Variants in POLE observed in about 807,000 individuals in gnomAD.
POLE encodes DNA polymerase epsilon catalytic subunit A.
Under a neutral mutation model 279.2 loss-of-function variants are expected in POLE, and 188 were observed. The observed-to-expected ratio is 0.67, with a 90% CI of 0.60 to 0.76. The LOEUF (loss-of-function observed/expected upper bound fraction) is 0.76. POLE is among the 30% of genes least tolerant of loss of function. POLE has a pLI of 0.00. For synonymous variants in POLE, 1,214 were observed against 1,172.5 expected, an observed-to-expected ratio of 1.04 and a Z score of -0.72; for missense variants, 2,703 against 3,016.7, an observed-to-expected ratio of 0.90 and a Z score of 2.44.
Position 132,632,453 on chromosome 12 carries a change from G to A in POLE, c.6192C>T (p.Phe2064=), listed in dbSNP as rs1555220905. 1.9e-6 allele frequency: 3 copies of A among 1,614,024 alleles called. No homozygotes were observed. Reference sequence around the variant, plus strand: ...TCTTCTGAATCTTCTGAGTGATGGTGAAGAAGCTCTGAGTGAGCTCATTTG... The same window carrying A: ...TCTTCTGAATCTTCTGAGTGATGGTAAAGAAGCTCTGAGTGAGCTCATTTG... ...YVANELTQSF[F]TITQKIQKKV... The change falls in exon 45 of 49, where the codon TTC becomes TTT. Residue 2064 remains phenylalanine (F), a synonymous_variant. Transcript: ENST00000320574.
At chr12:132,640,750 T>C (rs906927790) in intron 39 of POLE, among the ~76,000 whole-genome samples, 25 of 152,324 alleles carry the variant, frequency 1.6e-4, no homozygotes, top group Non-Finnish European at 2.2e-4. Context: ...TCACAAACTC[T>C]TCAATAATTT....
At position 132,664,603 on chromosome 12, in the gene POLE, A is replaced by C; in HGVS notation, c.2469-141T>G. 1.5e-6 allele frequency: 1 copy of C among 685,370 alleles called. No individual in the cohort carries two copies. The highest frequency in any genetic ancestry group is 1.6e-5 in the South Asian group (1 of 60,610). 42.5% of individuals were successfully genotyped at this position (685,370 alleles called of 1,614,324 possible). A position where few individuals can be genotyped will look rare whatever the true frequency, so the allele number is the denominator to read the frequency against. On this transcript the variant is annotated intron_variant, in intron 21 of 48. Transcript: ENST00000320574. The surrounding 1 kb of genome is among the most constrained non-coding windows in gnomAD (Gnocchi z 5.3). ...GCCAAATGTGCGTGCACCAGGACAG[A>C]ACTAAGGTGGAATCTGGCTCTGCCC...
At chr12:132,669,065 C>A in intron 16 of POLE, 126 bp from the exon 17 acceptor site, 2 of 823,144 alleles carry the variant, frequency 2.4e-6, no homozygotes, top group African/African-American at 1.7e-5. Flanking sequence ...CAAAAACTAG[C>A]CAGAAGAAAA....
At chr12:132,657,304 C>A (rs1593766271) in intron 28 of POLE, 45 bp downstream of exon 28, 1 of 1,613,870 alleles carries the variant, frequency 6.2e-7, no homozygotes, top group East Asian at 2.2e-5. Flanking sequence ...TGTCTAACTG[C>A]ACAGTTTTTA....
chr12:132,661,312 C>T lies in POLE; in HGVS notation c.2865-148G>A. 6 of 965,960 alleles carry T rather than the reference C, an allele frequency of 6.2e-6. No homozygotes were observed. Among genetic ancestry groups the T allele is most frequent in the Non-Finnish European group, 9.2e-6 (6 of 649,554 alleles). 59.8% of individuals were successfully genotyped at this position (965,960 alleles called of 1,614,324 possible). ...GCAAACGTCTCTCTCCCTTAGGCCA[C>T]TGCTTCTCTAAAAGGAAAATGGCTG... On this transcript the variant is annotated intron_variant, in intron 24 of 48. Transcript: ENST00000320574. This position sits in a 1 kb window ranked among gnomAD's most constrained non-coding sequence, Gnocchi z 4.1.
intron 29 of POLE, chr12:132,651,064 TG>T (rs1472285028): frequency 6.6e-6 from 1 of 152,038 alleles, no homozygotes; most frequent in Non-Finnish European, 1.5e-5. Context: ...TTAGTAAAGA[TG>T]GGGTTTCACC....
At chr12:132,637,139 G>C (rs1270520342) in intron 41 of POLE, among the ~76,000 whole-genome samples, 1 of 152,250 alleles carries the variant, frequency 6.6e-6, no homozygotes, top group African/African-American at 2.4e-5. Context: ...GCCACAGTGG[G>C]TCTGCAGGAG....
At chr12:132,670,594 T>C (rs1243442162) in intron 16 of POLE, among the ~76,000 whole-genome samples, 2 of 149,274 alleles carry the variant, frequency 1.3e-5, no homozygotes, top group Non-Finnish European at 3.0e-5. Flanking sequence ...GGGTTCTTGC[T>C]ATTCTCCTGC....
At position 132,661,511 on chromosome 12, in the gene POLE, G is replaced by A. The variant is rs2135947924; in HGVS notation, c.2864+16C>T. ...TCCATGTCCTTTCTAAAGCACAAAA[G>A]CTATGAGAGTCCCACCTCTTCTTCA... On this transcript the variant is annotated intron_variant, in intron 24 of 48. Coordinates refer to ENST00000320574, the MANE Select transcript of POLE (RefSeq NM_006231.4). This position sits in a 1 kb window ranked among gnomAD's most constrained non-coding sequence, Gnocchi z 4.1. 6.2e-7 allele frequency: 1 copy of A among 1,613,432 alleles called. No individual in the cohort carries two copies. Among genetic ancestry groups the A allele is most frequent in the Non-Finnish European group, 8.5e-7 (1 of 1,179,506 alleles).
chr12:132,644,089 G>T, intron 32 of POLE, 112 bp from the exon 33 acceptor site: 1 of 1,065,428 alleles, frequency 9.4e-7, no homozygotes, highest in South Asian at 1.6e-5. Flanking sequence ...CCCTAGCGAC[G>T]GGGTACACCC....
In POLE at chr12:132,673,680, A is replaced by C. The variant is rs1555228650; in HGVS notation, c.1254T>G (p.Pro418=). The change falls in exon 13 of 49, where the codon CCT becomes CCG. Residue 418 remains proline (P), a synonymous_variant. Coordinates refer to ENST00000320574, the MANE Select transcript of POLE (RefSeq NM_006231.4). ...LRWVKRDSYL[P]VGSHNLKAAA... Reference sequence around the variant, plus strand: ...CCGCCTTGAGATTATGACTGCCCACAGGAAGGTAACTGTCCCTCTTCACCC... The same window carrying C: ...CCGCCTTGAGATTATGACTGCCCACCGGAAGGTAACTGTCCCTCTTCACCC... 3.1e-6 allele frequency: 5 copies of C among 1,614,032 alleles called. No individual in the cohort carries two copies. Among genetic ancestry groups the C allele is most frequent in the Non-Finnish European group, 4.2e-6 (5 of 1,180,000 alleles).
intron 33 of POLE, 110 bp downstream of exon 33, chr12:132,643,727 G>A (rs984379521): frequency 3.4e-6 from 5 of 1,458,956 alleles, no homozygotes; most frequent in Admixed American, 1.9e-5. Context: ...CTGTGGGAAC[G>A]AGTCCACTGT....
At chr12:132,625,848 A>G in intron 46 of POLE, 78 bp from the exon 47 acceptor site, 1 of 1,553,994 alleles carries the variant, frequency 6.4e-7, no homozygotes, top group Non-Finnish European at 8.7e-7. Context: ...TCAGGAGAGG[A>G]AGGGGCTGTG....
intron 8 of POLE, 141 bp from the exon 9 acceptor site, chr12:132,676,794 C>CATCTTGATG: frequency 1.6e-6 from 1 of 626,646 alleles, no homozygotes; most frequent in Non-Finnish European, 2.9e-6. Context: ...GACCCTAAGA[C>CATCTTGATG]TAACCAACCT....
intron 40 of POLE, chr12:132,638,347 G>A (rs1248626340): frequency 5.5e-6 from 2 of 364,132 alleles, no homozygotes. Context: ...CCAAAAACAG[G>A]AAAAAATTAG....
At position 132,639,976 on chromosome 12, in the gene POLE, ACAAAACAAAAC is replaced by A. The variant is rs765969754; in HGVS notation, c.5379-689_5379-679del. On this transcript the variant is annotated intron_variant, in intron 39 of 48. Transcript: ENST00000320574. The surrounding 1 kb of genome is among the most constrained non-coding windows in gnomAD (Gnocchi z 4.7). ...CAAAAACAAAACAAAACAAAACAAAACAAAACAAAACAAAACAAAACATCACCATACCCACA... is the reference window on the plus strand; with the variant it reads ...CAAAAACAAAACAAAACAAAACAAAAAAAACAAAACATCACCATACCCACA... Among the ~76,000 whole-genome samples the A allele has an allele frequency of 0.014, 2,106 of 151,916 alleles. 59 individuals are homozygous for A. Among genetic ancestry groups the A allele is most frequent in the African/African-American group, 0.047 (1,954 of 41,396 alleles).
rs138062198 is a variant in POLE, at chr12:132,641,247, G to T, written c.5378+400C>A. 296 of 370,822 alleles carry T rather than the reference G, an allele frequency of 8.0e-4. 1 individual carries two copies. Among genetic ancestry groups the T allele is most frequent in the African/African-American group, 6.0e-3 (284 of 47,418 alleles). The allele number at this position is 370,822 out of a possible 1,614,324, so 23.0% of individuals were successfully genotyped here. A position where few individuals can be genotyped will look rare whatever the true frequency, so the allele number is the denominator to read the frequency against. The stretch of plus-strand genomic sequence containing the variant: ...CAACCATGCTCTCCGCAGACTGATG[G>T]CTCCTGACCCTCAACCACGCCCTCT... On this transcript the variant is annotated intron_variant, in intron 39 of 48. Coordinates refer to ENST00000320574, the MANE Select transcript of POLE (RefSeq NM_006231.4).
At position 132,676,102 on chromosome 12, in the gene POLE, G is replaced by A. The variant is rs1565976008; in HGVS notation, c.1012C>T (p.Pro338Ser). 6.2e-7 allele frequency: 1 copy of A among 1,600,532 alleles called. No individual in the cohort carries two copies. Among genetic ancestry groups the A allele is most frequent in the Non-Finnish European group, 8.5e-7 (1 of 1,170,798 alleles). Residue 338 changes from proline to serine, a missense_variant, in exon 10 of 49, where the codon CCC (proline) becomes TCC (serine). Physicochemically the swap from Pro to Ser is moderately conservative, Grantham distance 74. This residue lies in a region of POLE where 1,011 missense variants were observed against 1,111.7 expected (regional missense o/e 0.91). Transcript: ENST00000320574. The part of the protein sequence containing the change: ...YEGPFCVFNE[P>S]DEAHLIQRWF... The stretch of plus-strand genomic sequence containing the variant: ...AAGTGATACCTCCTTACCTCATCGG[G>A]TTCATTGAAGACACAAAAGGGGCCT...
rs777949353 is a variant in POLE at position 132,643,555 on chromosome 12, C to A, written c.4296G>T (p.Pro1432=). The part of the protein sequence containing the change: ...DIEGVYETQV[P]LLFRALVHLG... The stretch of plus-strand genomic sequence containing the variant: ...GGTGCACCAGGGCCCGGAACAGTAA[C>A]GGAACCTGGAAGAATCGGGCAGACA... The change falls in exon 34 of 49, where the codon CCG becomes CCT. Residue 1432 remains proline, a synonymous_variant. Transcript: ENST00000320574. The A allele has an allele frequency of 6.2e-7, 1 of 1,614,090 alleles. No homozygotes were observed. Among genetic ancestry groups the A allele is most frequent in the South Asian group, 1.1e-5 (1 of 91,082 alleles).
Sources: allele counts gnomAD v4.1 joint callset (sites outside exome capture counted in the v4.1 genomes callset), GRCh38; gene constraint gnomAD v4.1.1; regional missense constraint gnomAD v4.1.1; non-coding constraint Gnocchi (gnomAD v3.1); transcripts MANE v1.5; gene names NCBI Gene and HGNC (gene_info 2026-07-23, HGNC 2026-07-21).